Variants in WNK2 observed in about 807,000 individuals in gnomAD.
The protein encoded by WNK2 is WNK lysine deficient protein kinase 2.
Under a neutral mutation model 192.1 loss-of-function variants are expected in WNK2, and 67 were observed. The observed-to-expected ratio is 0.35, with a 90% CI of 0.29 to 0.43. WNK2 has a LOEUF of 0.43. Among genes scored for constraint, WNK2 ranks in the 20% least tolerant of loss-of-function variants. The pLI is 1.00. For synonymous variants in WNK2, 1,439 were observed against 1,393.9 expected (o/e 1.03, Z -0.72); for missense variants, 2,698 against 3,089.7 (o/e 0.87, Z 3.01).
intron 26 of WNK2, among the ~76,000 whole-genome samples, chr9:93,305,167 C>G (rs1852294660): frequency 6.6e-6 from 1 of 152,222 alleles, no homozygotes. Flanking sequence ...CAAGAGCTGC[C>G]AGATAGACAC....
intron 15 of WNK2, 35 bp downstream of exon 15, chr9:93,263,769 G>GCAC: frequency 2.2e-6 from 2 of 889,546 alleles, no homozygotes; most frequent in Non-Finnish European, 3.1e-6. Context: ...GTGTGGTGGG[G>GCAC]GTGGGGGCAT....
At chr9:93,235,091 C>T (rs1369291747) in intron 5 of WNK2, 126 bp downstream of exon 5, 3 of 1,186,618 alleles carry the variant, frequency 2.5e-6, no homozygotes, top group East Asian at 5.1e-5. Context: ...GGCCATTTTG[C>T]AGAGGGGGAA....
chr9:93,185,125 C>T lies in WNK2; in HGVS notation c.196C>T (p.Gln66Ter). The stretch of plus-strand genomic sequence containing the variant: ...GGAGGCAGCCGAGGCGCCGGGCCCG[C>T]AGCCCCCGCAGCCCCTGCAGCGCCG... ...GLEAAEAPGP[Q>*]PPQPLQRRVL... is the part of the protein sequence containing the mutation. The change falls in exon 2 of 30, where the codon CAG (glutamine) becomes TAG (stop). Residue 66 changes from glutamine to a stop codon, truncating the protein, a stop_gained. Coordinates refer to ENST00000427277, the MANE Select transcript of WNK2 (RefSeq NM_006648.4). LOFTEE classifies it high-confidence loss of function. 7.7e-7 allele frequency: 1 copy of T among 1,303,408 alleles called. No individual in the cohort carries two copies. Among genetic ancestry groups the T allele is most frequent in the Non-Finnish European group, 9.8e-7 (1 of 1,020,436 alleles). The allele number at this position is 1,303,408 out of a possible 1,614,324, so 80.7% of individuals were successfully genotyped here.
intron 19 of WNK2, 193 bp downstream of exon 19, chr9:93,268,939 A>G: frequency 6.4e-7 from 1 of 1,552,822 alleles, no homozygotes. Flanking sequence ...GCTCAGTCAA[A>G]GCAGCCTCCA....
At chr9:93,211,218 T>C (rs2131532879) in intron 2 of WNK2, among the ~76,000 whole-genome samples, 1 of 15,964 alleles carries the variant, frequency 6.3e-5, no homozygotes, top group African/African-American at 2.2e-4. Flanking sequence ...ATTCAATCAC[T>C]CATCCACTCA....
intron 23 of WNK2, among the ~76,000 whole-genome samples, chr9:93,294,978 A>G (rs1208373557): frequency 6.6e-6 from 1 of 152,160 alleles, no homozygotes; most frequent in Non-Finnish European, 1.5e-5. Flanking sequence ...CAGCTCCCCA[A>G]CCTTGCTTTC....
intron 2 of WNK2, 111 bp downstream of exon 2, chr9:93,185,721 G>A (rs1829177602): frequency 7.8e-7 from 1 of 1,276,154 alleles, no homozygotes; most frequent in Non-Finnish European, 1.1e-6. Flanking sequence ...GGGGCGGCGG[G>A]GCTCCATGTG....
At position 93,299,233 on chromosome 9, in the gene WNK2, C is replaced by A; in HGVS notation, c.6087C>A (p.Ala2029=). ...SLSSDICSGL[A]SDGGGARGQG... Reference sequence around the variant, plus strand: ...CTTCGGACATCTGCTCCGGCTTAGCCAGTGATGGAGGCGGAGCGCGTGGCC... The same window carrying A: ...CTTCGGACATCTGCTCCGGCTTAGCAAGTGATGGAGGCGGAGCGCGTGGCC... Residue 2029 remains alanine (A), a synonymous_variant, in exon 25 of 30, where the codon GCC becomes GCA. Coordinates refer to ENST00000427277, the MANE Select transcript of WNK2 (RefSeq NM_006648.4). 6.3e-7 allele frequency: 1 copy of A among 1,584,646 alleles called. No homozygotes were observed. Among genetic ancestry groups the A allele is most frequent in the Non-Finnish European group, 8.6e-7 (1 of 1,160,238 alleles).
chr9:93,299,361 T>C, intron 25 of WNK2, 100 bp downstream of exon 25: 1 of 1,279,540 alleles, frequency 7.8e-7, no homozygotes, highest in East Asian at 2.7e-5. Flanking sequence ...GGTTGCAAGC[T>C]GTGGCAAAGG....
At chr9:93,311,640 T>TGTGTGTG (rs1554755231) in intron 28 of WNK2, among the ~76,000 whole-genome samples, 2 of 151,644 alleles carry the variant, frequency 1.3e-5, no homozygotes, top group African/African-American at 4.9e-5. Context: ...TGTGTGTGTG[T>TGTGTGTG]TTTGAGACGG....
chr9:93,195,484 A>AAAGT (rs1038372389), intron 2 of WNK2, among the ~76,000 whole-genome samples: 4 of 152,118 alleles, frequency 2.6e-5, no homozygotes, highest in African/African-American at 9.7e-5. Flanking sequence ...GGATCACTTG[A>AAAGT]GGTCAGGAGT....
At chr9:93,268,991 C>T in intron 19 of WNK2, 1 of 1,519,590 alleles carries the variant, frequency 6.6e-7, no homozygotes, top group Non-Finnish European at 8.9e-7. Flanking sequence ...AGGTGGCTCG[C>T]ATGGCCATAT....
intron 27 of WNK2, 39 bp downstream of exon 27, chr9:93,306,860 C>T (rs750775903): frequency 4.3e-6 from 7 of 1,613,426 alleles, no homozygotes; most frequent in East Asian, 2.2e-5. Context: ...CCTCTCTCAT[C>T]GCATGGGCTT....
At chr9:93,262,542 G>A (rs907147365) in intron 13 of WNK2, 128 bp from the exon 14 acceptor site, 2 of 989,436 alleles carry the variant, frequency 2.0e-6, no homozygotes, top group African/African-American at 1.6e-5. Context: ...GCAGAAGAGA[G>A]CAGGAGAACG....
intron 2 of WNK2, among the ~76,000 whole-genome samples, chr9:93,202,698 C>T (rs1832681408): frequency 6.6e-6 from 1 of 151,854 alleles, no homozygotes; most frequent in Non-Finnish European, 1.5e-5. Context: ...TTGGAAAGGC[C>T]TTAGTCTCCA....
chr9:93,264,141 G>A (rs1033220027), intron 16 of WNK2, 108 bp downstream of exon 16: 9 of 842,862 alleles, frequency 1.1e-5, no homozygotes, highest in African/African-American at 1.7e-5. Context: ...TGGAGGTGTC[G>A]GTTGGCCCAG....
At chr9:93,242,440 A>C (rs1252759610) in intron 7 of WNK2, among the ~76,000 whole-genome samples, 1 of 152,148 alleles carries the variant, frequency 6.6e-6, no homozygotes, top group African/African-American at 2.4e-5. Flanking sequence ...CATTTTTTCA[A>C]ATTGAATTGC....
chr9:93,240,718 T>C (rs1009425621), intron 7 of WNK2, among the ~76,000 whole-genome samples: 7 of 152,142 alleles, frequency 4.6e-5, no homozygotes, highest in African/African-American at 1.4e-4. Context: ...ATGGGAATTG[T>C]GTGGGATGTG....
intron 2 of WNK2, among the ~76,000 whole-genome samples, chr9:93,195,440 T>A (rs1343814158): frequency 6.6e-6 from 1 of 152,148 alleles, no homozygotes; most frequent in Non-Finnish European, 1.5e-5. Context: ...GGCTCACACC[T>A]ATAATCCCAG....
Sources: gnomAD v4.1 joint callset for allele counts (sites outside exome capture counted in the v4.1 genomes callset) on GRCh38, gnomAD v4.1.1 for gene constraint, MANE v1.5 for transcripts, NCBI Gene and HGNC (gene_info 2026-07-23, HGNC 2026-07-21) for gene names.